SLCO2B1: variants seen among roughly 807,000 people sequenced by gnomAD.
SLCO2B1 encodes solute carrier organic anion transporter family member 2B1, also known as OATP-RP2.
A neutral mutation model predicts 67.3 loss-of-function variants in SLCO2B1; 41 were observed. That is an observed-to-expected ratio of 0.61 (90% CI 0.47 to 0.79). The LOEUF (loss-of-function observed/expected upper bound fraction) is 0.79. SLCO2B1 is among the 30% of genes least tolerant of loss of function. SLCO2B1 has a pLI of 0.00. For missense variants in SLCO2B1, 837 were observed against 920.1 expected, an observed-to-expected ratio of 0.91 and a Z score of 1.17; for synonymous variants, 379 against 381.4, an observed-to-expected ratio of 0.99 and a Z score of 0.07.
chr11:75,194,508 G>A lies in SLCO2B1; in HGVS notation c.1433+933G>A, dbSNP rs924795733. ...GCCAAGGAGCACCCAGCCCCTCCCCGTCTGTCCCAGGTCCCACCCTCGCTG... is the reference window on the plus strand; with the variant it reads ...GCCAAGGAGCACCCAGCCCCTCCCCATCTGTCCCAGGTCCCACCCTCGCTG... On this transcript the variant is annotated intron_variant, in intron 9 of 13. Coordinates refer to ENST00000289575, the MANE Select transcript of SLCO2B1 (RefSeq NM_007256.5). Among the ~76,000 whole-genome samples, 11 of 151,288 alleles carry A rather than the reference G, an allele frequency of 7.3e-5. No homozygotes were observed. The East Asian group carries it at 7.8e-4, about 11-fold the overall frequency.
intron 2 of SLCO2B1, 59 bp downstream of exon 2, chr11:75,162,844 C>A (rs1949839036): frequency 1.3e-6 from 2 of 1,566,730 alleles, no homozygotes; most frequent in Non-Finnish European, 1.7e-6. Flanking sequence ...CTGCCACGTG[C>A]TGGTGGTGTA....
rs76793354 is a variant in SLCO2B1 at position 75,204,831 on chromosome 11, C to T, written c.*251C>T. On this transcript the variant is annotated 3_prime_UTR_variant, in exon 14 of 14. Coordinates refer to ENST00000289575, the MANE Select transcript of SLCO2B1 (RefSeq NM_007256.5). ...GGGTCTTCTTCCTCCTTCCCCCAGC[C>T]AGCCAGCTGTCCTGGGGCCAGGCTT... The T allele has an allele frequency of 1.2e-5, 4 of 321,972 alleles. No homozygotes were observed. The East Asian group carries it at 2.1e-4, about 17-fold the overall frequency. 19.9% of individuals were successfully genotyped at this position (321,972 alleles called of 1,614,324 possible). A position where few individuals can be genotyped will look rare whatever the true frequency, so the allele number is the denominator to read the frequency against.
At chr11:75,194,526 C>T (rs1945073795) in intron 9 of SLCO2B1, among the ~76,000 whole-genome samples, 2 of 152,104 alleles carry the variant, frequency 1.3e-5, no homozygotes, top group African/African-American at 4.8e-5. Flanking sequence ...CAGGTCCCAC[C>T]CTCGCTGATC....
At chr11:75,164,227 C>T (rs1214133083) in intron 3 of SLCO2B1, 127 bp downstream of exon 3, 6 of 1,027,198 alleles carry the variant, frequency 5.8e-6, no homozygotes, top group Non-Finnish European at 4.1e-6. Flanking sequence ...CAACCCCTGT[C>T]CCAGCGCCTG....
At chr11:75,153,233 C>T (rs1241547668) in intron 1 of SLCO2B1, among the ~76,000 whole-genome samples, 1 of 152,158 alleles carries the variant, frequency 6.6e-6, no homozygotes, top group African/African-American at 2.4e-5. Context: ...GTAACCTCTC[C>T]CATATGCTGT....
intron 7 of SLCO2B1, among the ~76,000 whole-genome samples, chr11:75,185,772 C>T (rs1944916813): frequency 6.6e-6 from 1 of 152,046 alleles, no homozygotes; most frequent in Non-Finnish European, 1.5e-5. Context: ...AGGAACGCGT[C>T]CACCCTAGCT....
intron 7 of SLCO2B1, among the ~76,000 whole-genome samples, chr11:75,185,582 C>T (rs527568035): frequency 1.7e-4 from 24 of 144,376 alleles, no homozygotes; most frequent in African/African-American, 6.2e-4. Flanking sequence ...TCTCAGCTCA[C>T]TGCAACTGTT....
At chr11:75,188,098 C>T (rs757679792) in intron 7 of SLCO2B1, 38 bp from the exon 8 acceptor site, 18 of 1,478,268 alleles carry the variant, frequency 1.2e-5, no homozygotes, top group Non-Finnish European at 1.7e-5. Context: ...GGGTTGCTGG[C>T]ATCCAGCGGA....
intron 3 of SLCO2B1, among the ~76,000 whole-genome samples, chr11:75,165,426 G>A (rs1206629194): frequency 1.8e-5 from 2 of 113,876 alleles, no homozygotes; most frequent in African/African-American, 3.2e-5. Context: ...GAGAAATTCC[G>A]TCTCAAAAAA....
rs772842938 is a variant in SLCO2B1 at position 75,162,648 on chromosome 11, C to G, written c.17-7C>G. ...CTATTCTCTTTCCCTGGTTTTCTGT[C>G]CCTCAGGGCCAGCGGGTGAGGTACC... On this transcript the variant is annotated splice_region_variant and splice_polypyrimidine_tract_variant and intron_variant, in intron 1 of 13. Coordinates refer to ENST00000289575, the MANE Select transcript of SLCO2B1 (RefSeq NM_007256.5). The G allele has an allele frequency of 3.7e-6, 6 of 1,611,148 alleles. No homozygotes were observed. In the South Asian group the frequency reaches 6.6e-5, roughly 18 times the overall value.
chr11:75,204,602 G>A lies in SLCO2B1; in HGVS notation c.*22G>A. Reference sequence around the variant, plus strand: ...GTGAGCTGTCTTGGGGCCCCACCTGGCCAAGAGTAGCAGCCACAGCAGTAC... The same window carrying A: ...GTGAGCTGTCTTGGGGCCCCACCTGACCAAGAGTAGCAGCCACAGCAGTAC... On this transcript the variant is annotated 3_prime_UTR_variant, in exon 14 of 14. Coordinates refer to ENST00000289575, the MANE Select transcript of SLCO2B1 (RefSeq NM_007256.5). 2 of 1,584,130 alleles carry A rather than the reference G, an allele frequency of 1.3e-6. No homozygotes were observed. Among genetic ancestry groups the A allele is most frequent in the East Asian group, 4.5e-5 (2 of 44,432 alleles).
chr11:75,184,991 C>A (rs1046945019), intron 7 of SLCO2B1, among the ~76,000 whole-genome samples: 7 of 152,194 alleles, frequency 4.6e-5, no homozygotes, highest in Admixed American at 3.3e-4. Context: ...GGACAGGAAA[C>A]CTAGAGCCTG....
Position 75,169,410 on chromosome 11 carries a change from A to G in SLCO2B1, c.682+4A>G. 1 of 1,583,918 alleles carries G rather than the reference A, an allele frequency of 6.3e-7. No individual in the cohort carries two copies. Among genetic ancestry groups the G allele is most frequent in the Non-Finnish European group, 8.6e-7 (1 of 1,163,020 alleles). The stretch of plus-strand genomic sequence containing the variant: ...AGCAACTCGCCCCTCTACCTCGGTG[A>G]GGACCAGTGCCATCCCTTGGCCTCT... On this transcript the variant is annotated splice_donor_region_variant and intron_variant, in intron 5 of 13. Transcript: ENST00000289575.
chr11:75,170,123 T>C, intron 6 of SLCO2B1: 1 of 254,700 alleles, frequency 3.9e-6, no homozygotes, highest in Non-Finnish European at 7.6e-6. Flanking sequence ...TGGAAGAGCA[T>C]ACTCTCTTGC....
intron 4 of SLCO2B1, among the ~76,000 whole-genome samples, chr11:75,167,351 T>G (rs1254851417): frequency 1.3e-5 from 2 of 152,174 alleles, no homozygotes; most frequent in African/African-American, 4.8e-5. Context: ...TCACTTTACA[T>G]TTTCACTTTT....
intron 3 of SLCO2B1, among the ~76,000 whole-genome samples, chr11:75,164,607 G>A (rs549274934): frequency 6.6e-6 from 1 of 152,032 alleles, no homozygotes; most frequent in Non-Finnish European, 1.5e-5. Flanking sequence ...AGCTGCTTTG[G>A]GTGGATTTGG....
chr11:75,160,814 T>C (rs942467507), intron 1 of SLCO2B1, among the ~76,000 whole-genome samples: 2 of 152,198 alleles, frequency 1.3e-5, no homozygotes, highest in African/African-American at 4.8e-5. Context: ...CAAATGGCAG[T>C]AGGCACATGA....
chr11:75,198,307 C>T (rs139494784), intron 10 of SLCO2B1, among the ~76,000 whole-genome samples: 27 of 152,346 alleles, frequency 1.8e-4, no homozygotes, highest in African/African-American at 6.5e-4. Flanking sequence ...GCCTCAGTTT[C>T]TTGGTCTGTA....
chr11:75,176,664 G>A (rs1950028509), intron 7 of SLCO2B1, among the ~76,000 whole-genome samples: 1 of 152,196 alleles, frequency 6.6e-6, no homozygotes, highest in South Asian at 2.1e-4. Context: ...TGGGAGAATA[G>A]TCAGGGATGG....
Sources: allele counts gnomAD v4.1 joint callset (sites outside exome capture counted in the v4.1 genomes callset), GRCh38; gene constraint gnomAD v4.1.1; transcripts MANE v1.5; gene names NCBI Gene and HGNC (gene_info 2026-07-23, HGNC 2026-07-21).